POC1B: variants seen among roughly 807,000 people sequenced by gnomAD.
POC1B encodes the protein POC1 centriolar protein B, also known as POC1 centriolar protein homolog B.
In POC1B, 44 loss-of-function variants were observed where a neutral mutation model predicts 60.6. That is an observed-to-expected ratio of 0.73 (90% CI 0.57 to 0.93). The LOEUF (loss-of-function observed/expected upper bound fraction) is 0.93, where lower values mean the gene tolerates loss of function less well. Among genes scored for constraint, POC1B ranks in the 40% least tolerant of loss-of-function variants. The pLI is 0.00. For synonymous variants in POC1B, 180 were observed against 198.9 expected (o/e 0.90, Z 0.80); for missense variants, 555 against 572.3 (o/e 0.97, Z 0.31).
intron 10 of POC1B, among the ~76,000 whole-genome samples, chr12:89,457,382 A>G (rs908996708): frequency 6.6e-6 from 1 of 152,248 alleles, no homozygotes; most frequent in Non-Finnish European, 1.5e-5. Context: ...ACTAAAAGAA[A>G]GAGATACACA....
At position 89,500,454 on chromosome 12, in the gene POC1B, T is replaced by C. The variant is rs143156301; in HGVS notation, c.101-3112A>G. ...GCCCATGAAGTTCGTCAGAAAATTC[T>C]GGCAACTGATGTTAGTTCCAAAAAT... On this transcript the variant is annotated intron_variant, in intron 2 of 11. Transcript: ENST00000313546. 405 of 1,564,074 alleles carry C rather than the reference T, an allele frequency of 2.6e-4. 2 individuals carry two copies. In the African/African-American group the frequency reaches 4.9e-3, roughly 19 times the overall value.
chr12:89,424,040 C>G (rs1880651697), intron 11 of POC1B, among the ~76,000 whole-genome samples: 2 of 152,188 alleles, frequency 1.3e-5, no homozygotes, highest in African/African-American at 4.8e-5. Flanking sequence ...GAGAAAGTCA[C>G]GTCTAGTACA....
At chr12:89,512,286 G>C (rs781653714) in intron 2 of POC1B, among the ~76,000 whole-genome samples, 9 of 152,222 alleles carry the variant, frequency 5.9e-5, no homozygotes, top group Non-Finnish European at 1.2e-4. Context: ...TAATTAGCTT[G>C]CTAGTATAAG....
intron 2 of POC1B, chr12:89,502,718 G>A: frequency 5.9e-6 from 8 of 1,351,248 alleles, no homozygotes; most frequent in Non-Finnish European, 8.3e-6. Flanking sequence ...TTTTTCTACT[G>A]GGAAATTGAT....
At chr12:89,428,176 T>C in intron 10 of POC1B, 1 of 152,476 alleles carries the variant, frequency 6.6e-6, no homozygotes, top group Non-Finnish European at 1.5e-5. Context: ...AAATAGTTCC[T>C]GCTCAAAGAA....
intron 4 of POC1B, among the ~76,000 whole-genome samples, chr12:89,474,267 A>C (rs1018518997): frequency 7.2e-5 from 11 of 152,088 alleles, no homozygotes; most frequent in African/African-American, 2.2e-4. Flanking sequence ...CTTACTTACT[A>C]AGCTTCTTTT....
Position 89,523,941 on chromosome 12 carries a change from C to T in POC1B, c.100+1179G>A, listed in dbSNP as rs373335989. 8.1e-5 allele frequency: 131 copies of T among 1,612,856 alleles called. No homozygotes were observed. In the African/African-American group the frequency reaches 1.4e-3, roughly 17 times the overall value. ...GACGGGCCCTAACCAGCCCCTCTCG[C>T]TTATTGGTCCTAATCAAGCGTACTC... On this transcript the variant is annotated intron_variant, in intron 2 of 11. Coordinates refer to ENST00000313546, the MANE Select transcript of POC1B (RefSeq NM_172240.3).
chr12:89,524,085 A>T (rs1204494303), intron 2 of POC1B: 1 of 1,614,012 alleles, frequency 6.2e-7, no homozygotes, highest in South Asian at 1.1e-5. Flanking sequence ...AAACACTGTG[A>T]ATGGTACGGA....
intron 2 of POC1B, chr12:89,500,477 A>G (rs1036260701): frequency 1.9e-6 from 3 of 1,585,090 alleles, no homozygotes; most frequent in Admixed American, 1.7e-5. Flanking sequence ...TAGTTCCAAA[A>G]ATACACCTGA....
chr12:89,482,101 G>A (rs1225300485), intron 4 of POC1B, among the ~76,000 whole-genome samples: 4 of 152,136 alleles, frequency 2.6e-5, no homozygotes, highest in Non-Finnish European at 4.4e-5. Flanking sequence ...CCCAGATATG[G>A]CATAGATGTT....
At chr12:89,403,265 C>T in the POC1B span, among the ~76,000 whole-genome samples, 1 of 152,048 alleles carries the variant, frequency 6.6e-6, no homozygotes, top group African/African-American at 2.4e-5. Context: ...CCTTGGCCTC[C>T]CAAAGTGATG....
At chr12:89,449,299 A>G (rs1442899516) in intron 10 of POC1B, among the ~76,000 whole-genome samples, 1 of 152,202 alleles carries the variant, frequency 6.6e-6, no homozygotes, top group Non-Finnish European at 1.5e-5. Context: ...TAGTAGTAAA[A>G]TGTTTAGTAG....
At chr12:89,479,608 A>C (rs1883243918) in intron 4 of POC1B, among the ~76,000 whole-genome samples, 1 of 152,156 alleles carries the variant, frequency 6.6e-6, no homozygotes, top group Admixed American at 6.5e-5. Context: ...GTCTAGAGAA[A>C]CTACCTATTC....
chr12:89,427,383 CA>C (rs1407007680), intron 10 of POC1B: 20 of 152,110 alleles, frequency 1.3e-4, no homozygotes, highest in Non-Finnish European at 2.8e-4. Context: ...ACACCATCTA[CA>C]AAATTAACTC....
chr12:89,419,606 T>G (rs572960715), downstream of POC1B: 244 of 152,278 alleles, frequency 1.6e-3, no homozygotes, highest in African/African-American at 5.7e-3. Context: ...CCCAGGAAAC[T>G]GTTTTGACAA....
chr12:89,452,596 A>G (rs1286059666), intron 10 of POC1B, among the ~76,000 whole-genome samples: 5 of 152,126 alleles, frequency 3.3e-5, no homozygotes, highest in African/African-American at 1.2e-4. Context: ...TTTGAAACTT[A>G]AAGAGAAAGA....
intron 4 of POC1B, 112 bp from the exon 5 acceptor site, chr12:89,472,387 G>T: frequency 1.5e-6 from 1 of 680,410 alleles, no homozygotes; most frequent in Non-Finnish European, 2.5e-6. Flanking sequence ...AGAGACCACT[G>T]TTACCATCCC....
intron 2 of POC1B, among the ~76,000 whole-genome samples, chr12:89,509,220 T>C (rs1407833521): frequency 6.6e-6 from 1 of 152,238 alleles, no homozygotes; most frequent in Non-Finnish European, 1.5e-5. Context: ...TCAGTGTGAA[T>C]GCATAGATTA....
chr12:89,480,137 C>T (rs1280437083), intron 4 of POC1B, among the ~76,000 whole-genome samples: 2 of 144,294 alleles, frequency 1.4e-5, no homozygotes, highest in Admixed American at 1.4e-4. Flanking sequence ...CAAGTTTCTT[C>T]TTTCGTTTTT....
Sources: allele counts gnomAD v4.1 joint callset (sites outside exome capture counted in the v4.1 genomes callset), GRCh38; gene constraint gnomAD v4.1.1; transcripts MANE v1.5; gene names NCBI Gene and HGNC (gene_info 2026-07-23, HGNC 2026-07-21).